The following TSGA10 variants were observed in gnomAD, a reference collection of about 807,000 sequenced individuals.
TSGA10 encodes the protein testis-specific gene 10 protein.
TSGA10 carries 43 observed loss-of-function variants against 96.6 expected under a neutral mutation model. The ratio of observed to expected loss-of-function variants is 0.44; its 90% CI spans 0.35 to 0.57. TSGA10 has a LOEUF of 0.57. TSGA10 is among the 20% of genes least tolerant of loss of function. TSGA10 has a pLI of 0.01. For synonymous variants in TSGA10, 229 were observed against 269.9 expected, an observed-to-expected ratio of 0.85 and a Z score of 1.48; for missense variants, 703 against 834.4, an observed-to-expected ratio of 0.84 and a Z score of 1.94.
intron 16 of TSGA10, among the ~76,000 whole-genome samples, chr2:99,046,001 T>C (rs6742514): frequency 0.43 from 65,989 of 151,992 alleles, 16,990 homozygotes; most frequent in African/African-American, 0.72. Context: ...GGTAAAGGGA[T>C]CAATTCAACA....
intron 13 of TSGA10, 82 bp downstream of exon 13, chr2:99,072,936 C>T: frequency 1.0e-6 from 1 of 973,054 alleles, no homozygotes; most frequent in Non-Finnish European, 1.6e-6. Flanking sequence ...CATTAAGCCC[C>T]TTGTTTCTTA....
In TSGA10 at chr2:99,078,761, A is replaced by C. The variant is rs1461515352; in HGVS notation, c.780T>G (p.Gly260=). 6.2e-7 allele frequency: 1 copy of C among 1,613,654 alleles called. No individual in the cohort carries two copies. ...IAQREEISIL[G]GTLNDLAKEK... Reference sequence around the variant, plus strand: ...CTTTAGCCAGATCATTGAGGGTTCCACCAAGAATGCTGATTTCTTCTCGCT... The same window carrying C: ...CTTTAGCCAGATCATTGAGGGTTCCCCCAAGAATGCTGATTTCTTCTCGCT... The change falls in exon 12 of 21, where the codon GGT becomes GGG. Residue 260 remains glycine, a synonymous_variant. Transcript: ENST00000393483.
intron 12 of TSGA10, among the ~76,000 whole-genome samples, chr2:99,077,065 A>G (rs887299552): frequency 4.6e-5 from 7 of 150,632 alleles, no homozygotes; most frequent in African/African-American, 7.3e-5. Flanking sequence ...GTATTCTGTC[A>G]TAACAGTATC....
At chr2:99,093,426 AG>A (rs1341464663) in intron 10 of TSGA10, among the ~76,000 whole-genome samples, 2 of 152,178 alleles carry the variant, frequency 1.3e-5, no homozygotes, top group East Asian at 3.8e-4. Flanking sequence ...AGAGAAGTAA[AG>A]GGCATCCAAA....
chr2:99,078,057 G>A (rs1470318731), intron 12 of TSGA10, among the ~76,000 whole-genome samples: 2 of 150,988 alleles, frequency 1.3e-5, no homozygotes, highest in Non-Finnish European at 3.0e-5. Flanking sequence ...GGATCACGAG[G>A]TCAGGAGATT....
rs142797070 is a variant in TSGA10 at position 99,102,091 on chromosome 2, A to T, written c.611+1876T>A. The T allele has an allele frequency of 4.7e-4, 690 of 1,476,604 alleles. 2 individuals are homozygous for T. In the African/African-American group the frequency reaches 8.5e-3, roughly 18 times the overall value. The allele number at this position is 1,476,604 out of a possible 1,614,324, so 91.5% of individuals were successfully genotyped here. A position where few individuals can be genotyped will look rare whatever the true frequency, so the allele number is the denominator to read the frequency against. The stretch of plus-strand genomic sequence containing the variant: ...TTTGTAAATTTCTCTGAGCAGAAAG[A>T]AAAGTTAATAAAGCGACAAGAAGAG... On this transcript the variant is annotated intron_variant, in intron 10 of 20. Transcript: ENST00000393483.
chr2:99,112,308 A>G (rs989170667), intron 4 of TSGA10, among the ~76,000 whole-genome samples: 1 of 152,194 alleles, frequency 6.6e-6, no homozygotes, highest in Non-Finnish European at 1.5e-5. Context: ...TATGTTAGTG[A>G]TTGCATCCCT....
At chr2:99,061,001 T>G (rs903089221) in intron 16 of TSGA10, among the ~76,000 whole-genome samples, 1 of 152,176 alleles carries the variant, frequency 6.6e-6, no homozygotes, top group Non-Finnish European at 1.5e-5. Context: ...CCTTGGTGCA[T>G]GCAAAGATTT....
At chr2:99,148,736 T>A (rs1162382101) in intron 1 of TSGA10, among the ~76,000 whole-genome samples, 1 of 152,106 alleles carries the variant, frequency 6.6e-6, no homozygotes, top group Non-Finnish European at 1.5e-5. Flanking sequence ...CTTTGGGAGC[T>A]GAGGTGGGTG....
chr2:99,017,648 C>T (rs2079630264), intron 20 of TSGA10, among the ~76,000 whole-genome samples: 1 of 151,246 alleles, frequency 6.6e-6, no homozygotes, highest in Non-Finnish European at 1.5e-5. Flanking sequence ...GCCTGTAGTC[C>T]CAGCTACTTG....
chr2:99,071,826 C>A lies in TSGA10; in HGVS notation c.987G>T (p.Met329Ile), dbSNP rs1304475009. 1.9e-6 allele frequency: 3 copies of A among 1,613,926 alleles called. No homozygotes were observed. The highest frequency in any genetic ancestry group is 2.5e-6 in the Non-Finnish European group (3 of 1,179,932). Residue 329 changes from methionine (M) to isoleucine (I), a missense_variant, in exon 14 of 21, where the codon ATG becomes ATT. By Grantham distance (10) the Met-to-Ile change is conservative (BLOSUM62 1). Transcript: ENST00000393483. ...LIVCEQDVSR[M>I]RRQLDETNDE... ...CATTTGTCTCATCCAATTGCCGACG[C>A]ATTCTGGAAACGTCTTGTTCACACA...
chr2:99,082,844 G>T (rs2087696753), intron 10 of TSGA10, among the ~76,000 whole-genome samples: 1 of 151,588 alleles, frequency 6.6e-6, no homozygotes, highest in Non-Finnish European at 1.5e-5. Flanking sequence ...AAAATAATAG[G>T]ATATATAAAG....
chr2:99,078,806 AAAGTT>A lies in TSGA10; in HGVS notation c.730_734del (p.Asn244TyrfsTer20), dbSNP rs770295787. 2 of 1,610,962 alleles carry A rather than the reference AAAGTT, an allele frequency of 1.2e-6. No homozygotes were observed. Among genetic ancestry groups the A allele is most frequent in the South Asian group, 2.2e-5 (2 of 90,744 alleles). Reference sequence around the variant, plus strand: ...CTCGCTGTGCAATATTTTGCCTTGTAAAGTTATCTATGTATGCAATCATAAAAGTG... The same window carrying A: ...CTCGCTGTGCAATATTTTGCCTTGTAATCTATGTATGCAATCATAAAAGTG... On this transcript the variant is annotated frameshift_variant and splice_region_variant, in exon 12 of 21. Transcript: ENST00000393483. LOFTEE classifies it high-confidence loss of function.
chr2:99,062,035 T>C (rs1324988484), intron 16 of TSGA10, among the ~76,000 whole-genome samples: 1 of 152,092 alleles, frequency 6.6e-6, no homozygotes, highest in Non-Finnish European at 1.5e-5. Context: ...AGATTTCCAG[T>C]CTCCAGAACT....
At chr2:99,117,986 TTA>T (rs760405896) in intron 3 of TSGA10, among the ~76,000 whole-genome samples, 4 of 152,130 alleles carry the variant, frequency 2.6e-5, no homozygotes, top group Non-Finnish European at 4.4e-5. Context: ...TCAAGACAAT[TTA>T]TAGTTTATTT....
intron 20 of TSGA10, among the ~76,000 whole-genome samples, chr2:99,005,863 G>T (rs2078420821): frequency 6.6e-6 from 1 of 152,162 alleles, no homozygotes; most frequent in African/African-American, 2.4e-5. Context: ...GAACAAAGCT[G>T]GAGGCATCAC....
rs2091570563 is a variant in TSGA10 at position 99,108,822 on chromosome 2, TG to T, written c.210+10del. ...GTTATTACTTATATAATTTGTTTTT[TG>T]TAAGTTTACCTGTTCATAAAGAAGG... is the stretch of plus-strand genomic sequence containing the variant. On this transcript the variant is annotated intron_variant, in intron 7 of 20. Coordinates refer to ENST00000393483, the MANE Select transcript of TSGA10 (RefSeq NM_025244.4). 1.3e-6 allele frequency: 2 copies of T among 1,527,544 alleles called. No individual in the cohort carries two copies. The highest frequency in any genetic ancestry group is 1.4e-5 in the African/African-American group (1 of 71,358). The allele number at this position is 1,527,544 out of a possible 1,614,324, so 94.6% of individuals were successfully genotyped here. A position where few individuals can be genotyped will look rare whatever the true frequency, so the allele number is the denominator to read the frequency against.
chr2:99,015,350 A>G (rs1345279911), intron 20 of TSGA10, among the ~76,000 whole-genome samples: 1 of 152,214 alleles, frequency 6.6e-6, no homozygotes, highest in East Asian at 1.9e-4. Flanking sequence ...GCAAGTCAAA[A>G]AATGTGACAG....
chr2:99,038,675 A>T (rs2081899323), intron 16 of TSGA10, among the ~76,000 whole-genome samples: 1 of 152,182 alleles, frequency 6.6e-6, no homozygotes, highest in Admixed American at 6.5e-5. Flanking sequence ...ACTAGACCTA[A>T]AAAATGAGAT....
Sources: gnomAD v4.1 joint callset for allele counts (sites outside exome capture counted in the v4.1 genomes callset) on GRCh38, gnomAD v4.1.1 for gene constraint, MANE v1.5 for transcripts, NCBI Gene and HGNC (gene_info 2026-07-23, HGNC 2026-07-21) for gene names.